Variants in SLC4A10 observed in about 807,000 individuals in gnomAD.
SLC4A10 encodes the protein solute carrier family 4 member 10.
Under a neutral mutation model 137.7 loss-of-function variants are expected in SLC4A10, and 42 were observed. That is an observed-to-expected ratio of 0.30 (90% CI 0.24 to 0.39). The LOEUF (loss-of-function observed/expected upper bound fraction) is 0.39, where lower values mean the gene tolerates loss of function less well. SLC4A10 is among the 10% of genes least tolerant of loss of function. The pLI is 1.00. For synonymous variants in SLC4A10, 474 were observed against 464.1 expected, an observed-to-expected ratio of 1.02 and a Z score of -0.27; for missense variants, 925 against 1,355.0, an observed-to-expected ratio of 0.68 and a Z score of 4.98.
intron 15 of SLC4A10, among the ~76,000 whole-genome samples, chr2:161,920,035 C>A (rs1687829907): frequency 6.6e-6 from 1 of 152,014 alleles, no homozygotes; most frequent in Non-Finnish European, 1.5e-5. Flanking sequence ...GTGTCTGGAA[C>A]TGCCTGCCCC....
chr2:161,774,910 T>C (rs1004779612), intron 2 of SLC4A10, among the ~76,000 whole-genome samples: 17 of 151,926 alleles, frequency 1.1e-4, no homozygotes, highest in African/African-American at 3.9e-4. Flanking sequence ...ATCATTTCCC[T>C]GTTCCCTGAA....
chr2:161,859,594 C>CTTTTTTTTTTTTTTTTTTTTTTTT (rs72003642), intron 5 of SLC4A10, among the ~76,000 whole-genome samples: 62 of 47,296 alleles, frequency 1.3e-3, no homozygotes, highest in South Asian at 1.9e-3. Context: ...CTTTTCTTTT[C>CTTTTTTTTTTTTTTTTTTTTTTTT]TTTTTTTTTT....
chr2:161,975,851 G>A (rs533256926), intron 24 of SLC4A10, among the ~76,000 whole-genome samples: 13 of 152,346 alleles, frequency 8.5e-5, no homozygotes, highest in Non-Finnish European at 1.5e-4. Context: ...AGAACAGTCA[G>A]GAGGCTACTG....
chr2:161,944,570 A>G (rs1693368005), intron 16 of SLC4A10, among the ~76,000 whole-genome samples: 1 of 151,664 alleles, frequency 6.6e-6, no homozygotes, highest in Non-Finnish European at 1.5e-5. Flanking sequence ...AAGCAAATAC[A>G]GCATTGTGGG....
At chr2:161,950,893 A>C in intron 19 of SLC4A10, 45 bp downstream of exon 19, 1 of 1,442,356 alleles carries the variant, frequency 6.9e-7, no homozygotes, top group Non-Finnish European at 9.4e-7. Context: ...ATGACAACTG[A>C]TATCAACTGA....
chr2:161,713,408 G>A (rs1338615504), intron 1 of SLC4A10, among the ~76,000 whole-genome samples: 1 of 151,748 alleles, frequency 6.6e-6, no homozygotes, highest in African/African-American at 2.4e-5. Flanking sequence ...GACAAGGTAG[G>A]GGGTAGAAAC....
intron 15 of SLC4A10, among the ~76,000 whole-genome samples, chr2:161,923,084 A>G (rs867907357): frequency 2.6e-5 from 4 of 152,178 alleles, no homozygotes; most frequent in Non-Finnish European, 5.9e-5. Context: ...CTTCTTGTGT[A>G]AGGAAGACAG....
chr2:161,726,491 G>A (rs1285391815), intron 1 of SLC4A10, among the ~76,000 whole-genome samples: 2 of 152,138 alleles, frequency 1.3e-5, no homozygotes, highest in African/African-American at 4.8e-5. Context: ...AAGCAGAAAG[G>A]CAGAATGAAA....
chr2:161,839,267 T>C (rs2059021086), intron 3 of SLC4A10, among the ~76,000 whole-genome samples: 1 of 152,208 alleles, frequency 6.6e-6, no homozygotes, highest in African/African-American at 2.4e-5. Context: ...AAGGCAAAGC[T>C]AGCAGCAGAG....
At chr2:161,972,219 TA>T (rs34685708) in intron 23 of SLC4A10, among the ~76,000 whole-genome samples, 57,614 of 152,002 alleles carry the variant, frequency 0.38, 11,527 homozygotes, top group Admixed American at 0.46. Flanking sequence ...TTGTCTTACT[TA>T]ATGTAGCTTT....
intron 10 of SLC4A10, among the ~76,000 whole-genome samples, chr2:161,884,957 C>T (rs2062127334): frequency 6.6e-6 from 1 of 152,120 alleles, no homozygotes; most frequent in South Asian, 2.1e-4. Context: ...GTGGATGGAT[C>T]ACCTGAAGTC....
At chr2:161,901,129 G>A (rs1388488325) in intron 12 of SLC4A10, 118 bp downstream of exon 12, 3 of 748,096 alleles carry the variant, frequency 4.0e-6, no homozygotes, top group Non-Finnish European at 7.0e-6. Context: ...TGCTTTTTGA[G>A]GGTGAAAATG....
rs5835872 is a variant in SLC4A10 at position 161,625,066 on chromosome 2, C to CGTGTGTGTGT, written c.48+537_48+546dup. Among the ~76,000 whole-genome samples, 301 of 144,288 alleles carry CGTGTGTGTGT rather than the reference C, an allele frequency of 2.1e-3. 4 individuals carry two copies. Among genetic ancestry groups the CGTGTGTGTGT allele is most frequent in the African/African-American group, 6.1e-3 (238 of 38,722 alleles). The allele number at this position is 144,288 out of a possible 152,430, so 94.7% of individuals were successfully genotyped here. A position where few individuals can be genotyped will look rare whatever the true frequency, so the allele number is the denominator to read the frequency against. On this transcript the variant is annotated intron_variant, in intron 1 of 26. Coordinates refer to ENST00000446997, the MANE Select transcript of SLC4A10 (RefSeq NM_001178015.2). ...AAACCAGGGGAAAGAACAGAAGGAT[C>CGTGTGTGTGT]GTGTGTGTGTGTGTGTGTGTGTGTG...
At chr2:161,879,365 T>C (rs2125958771) in intron 9 of SLC4A10, 77 bp downstream of exon 9, 1 of 1,415,436 alleles carries the variant, frequency 7.1e-7, no homozygotes, top group Non-Finnish European at 9.5e-7. Flanking sequence ...TTCAATGTAA[T>C]TTTCTGTTAG....
intron 2 of SLC4A10, among the ~76,000 whole-genome samples, chr2:161,781,337 C>T (rs1316539141): frequency 6.6e-6 from 1 of 151,964 alleles, no homozygotes; most frequent in Non-Finnish European, 1.5e-5. Flanking sequence ...TAAACATATT[C>T]AATAAATATC....
Position 161,916,306 on chromosome 2 carries a change from G to A in SLC4A10, c.1997+10419G>A, listed in dbSNP as rs1018301720. Among the ~76,000 whole-genome samples the A allele has an allele frequency of 2.6e-5, 4 of 152,090 alleles. No individual in the cohort carries two copies. In the East Asian group the frequency reaches 7.7e-4, roughly 29 times the overall value. ...CAGCTGCTCAGACTAAAAAATCATG[G>A]ATTTATTCTTGTCTATTCCCTTTTT... On this transcript the variant is annotated intron_variant, in intron 15 of 26. Coordinates refer to ENST00000446997, the MANE Select transcript of SLC4A10 (RefSeq NM_001178015.2).
chr2:161,820,357 G>A (rs916627490), intron 3 of SLC4A10, among the ~76,000 whole-genome samples: 4 of 152,136 alleles, frequency 2.6e-5, no homozygotes, highest in African/African-American at 9.7e-5. Context: ...AAGTGTTAAA[G>A]CATAGAAACA....
At chr2:161,906,646 G>A (rs529754886) in intron 15 of SLC4A10, among the ~76,000 whole-genome samples, 15 of 152,290 alleles carry the variant, frequency 9.8e-5, no homozygotes, top group Admixed American at 2.6e-4. Context: ...TTAGGAGACA[G>A]TTATAATCTC....
intron 21 of SLC4A10, among the ~76,000 whole-genome samples, chr2:161,959,114 A>G (rs1337148511): frequency 6.6e-6 from 1 of 152,224 alleles, no homozygotes; most frequent in East Asian, 1.9e-4. Flanking sequence ...TTATAAAGCT[A>G]TGAGTTTGAG....
Sources: gnomAD v4.1 joint callset for allele counts (sites outside exome capture counted in the v4.1 genomes callset) on GRCh38, gnomAD v4.1.1 for gene constraint, MANE v1.5 for transcripts, NCBI Gene and HGNC (gene_info 2026-07-23, HGNC 2026-07-21) for gene names.